LOC400499: variants seen among roughly 807,000 people sequenced by gnomAD.
the LOC400499 span, chr16:11,384,916 G>A: frequency 7.3e-6 from 9 of 1,232,088 alleles, no homozygotes; most frequent in Non-Finnish European, 8.1e-6. Context: ...GAGTCAGGCT[G>A]CAGAGGCCGG....
the LOC400499 span, among the ~76,000 whole-genome samples, chr16:11,422,847 C>T: frequency 1.9e-4 from 29 of 152,196 alleles, no homozygotes; most frequent in African/African-American, 3.9e-4. Context: ...GCTTGTCTCA[C>T]GATGCCAGGA....
At chr16:11,514,134 G>A in the LOC400499 span, among the ~76,000 whole-genome samples, 4 of 152,170 alleles carry the variant, frequency 2.6e-5, no homozygotes, top group Non-Finnish European at 5.9e-5. Flanking sequence ...GACATCCCAG[G>A]GAAAAGGGAC....
the LOC400499 span, chr16:11,477,829 G>C: frequency 5.0e-6 from 2 of 398,948 alleles, no homozygotes; most frequent in Middle Eastern, 6.3e-4. Context: ...ACCTGGGCTT[G>C]ACATAACCAT....
chr16:11,449,092 C>T, the LOC400499 span: 12 of 1,458,184 alleles, frequency 8.2e-6, no homozygotes, highest in African/African-American at 1.1e-4. Context: ...TGTGCCAAGA[C>T]TGTCACTGTG....
At chr16:11,395,983 C>T in the LOC400499 span, among the ~76,000 whole-genome samples, 1 of 152,192 alleles carries the variant, frequency 6.6e-6, no homozygotes, top group African/African-American at 2.4e-5. Flanking sequence ...GCCAACTCTG[C>T]CCCTTCCTAC....
At chr16:11,407,970 G>GTTTTTTTTTTTTTTTTTTTTT in the LOC400499 span, among the ~76,000 whole-genome samples, 3 of 63,416 alleles carry the variant, frequency 4.7e-5, 1 homozygote, top group African/African-American at 1.8e-4. Context: ...TTCCAGAGCT[G>GTTTTTTTTTTTTTTTTTTTTT]TTTTTTTTTT....
chr16:11,423,572 A>C, the LOC400499 span, among the ~76,000 whole-genome samples: 1 of 152,208 alleles, frequency 6.6e-6, no homozygotes, highest in Admixed American at 6.5e-5. Context: ...AGCATCTTGC[A>C]TGTGGTCACA....
the LOC400499 span, chr16:11,399,492 G>A: frequency 7.5e-6 from 3 of 398,764 alleles, no homozygotes; most frequent in Admixed American, 4.4e-5. Context: ...AAGTTCTGCC[G>A]CATGCGGTGC....
the LOC400499 span, among the ~76,000 whole-genome samples, chr16:11,527,436 G>A: frequency 6.6e-6 from 1 of 151,702 alleles, no homozygotes; most frequent in African/African-American, 2.4e-5. Flanking sequence ...GCCTAGAGGG[G>A]AAAAAAAAGG....
At chr16:11,475,398 CCA>C in the LOC400499 span, among the ~76,000 whole-genome samples, 1 of 152,116 alleles carries the variant, frequency 6.6e-6, no homozygotes, top group African/African-American at 2.4e-5. Context: ...AAGGCATAGA[CCA>C]CAGATTGTTC....
chr16:11,385,496 C>G, the LOC400499 span: 1 of 989,576 alleles, frequency 1.0e-6, no homozygotes, highest in Non-Finnish European at 1.3e-6. Flanking sequence ...CTGCTGGGTG[C>G]CCCGGATGCC....
At chr16:11,486,351 G>C in the LOC400499 span, among the ~76,000 whole-genome samples, 15 of 131,994 alleles carry the variant, frequency 1.1e-4, no homozygotes, top group African/African-American at 4.0e-4. Context: ...ATGATGGCTG[G>C]ATAGATGAAT....
chr16:11,401,219 T>C, the LOC400499 span: 1 of 398,044 alleles, frequency 2.5e-6, no homozygotes, highest in Non-Finnish European at 4.4e-6. Flanking sequence ...GTCACGCGGC[T>C]CCCACCTCCA....
the LOC400499 span, chr16:11,396,483 G>A: frequency 8.1e-7 from 1 of 1,232,100 alleles, no homozygotes; most frequent in East Asian, 3.2e-5. Flanking sequence ...CTTTCCCAGG[G>A]ACTGTCAGCC....
the LOC400499 span, among the ~76,000 whole-genome samples, chr16:11,455,751 A>AG: frequency 6.0e-5 from 9 of 150,346 alleles, no homozygotes; most frequent in African/African-American, 1.7e-4. Flanking sequence ...GAAAAAAAAA[A>AG]AAAAAGAAAA....
At chr16:11,454,217 T>G in the LOC400499 span, among the ~76,000 whole-genome samples, 1 of 152,254 alleles carries the variant, frequency 6.6e-6, no homozygotes, top group African/African-American at 2.4e-5. Flanking sequence ...ATTTCCAACC[T>G]AAAATTCTCC....
the LOC400499 span, chr16:11,446,636 C>A: frequency 6.5e-7 from 1 of 1,536,032 alleles, no homozygotes; most frequent in Non-Finnish European, 8.7e-7. Flanking sequence ...CCTGCACAGA[C>A]CTGGGAGGGA....
chr16:11,509,683 T>A, the LOC400499 span, among the ~76,000 whole-genome samples: 1 of 151,410 alleles, frequency 6.6e-6, no homozygotes, highest in Admixed American at 6.6e-5. Flanking sequence ...TACCAAAAAT[T>A]AGCTGGGCGT....
At chr16:11,406,374 T>C in the LOC400499 span, among the ~76,000 whole-genome samples, 1 of 152,232 alleles carries the variant, frequency 6.6e-6, no homozygotes, top group Non-Finnish European at 1.5e-5. Flanking sequence ...TATTCCATGG[T>C]GTATATATAC....
Sources: gnomAD v4.1 joint callset for allele counts (sites outside exome capture counted in the v4.1 genomes callset) on GRCh38, gnomAD v4.1.1 for gene constraint, MANE v1.5 for transcripts.